Variants in NRG3 observed in about 807,000 individuals in gnomAD.
The protein encoded by NRG3 is pro-neuregulin-3, membrane-bound isoform.
In NRG3, 31 loss-of-function variants were observed where a neutral mutation model predicts 66.9. That is an observed-to-expected ratio of 0.46 (90% confidence interval 0.35 to 0.63). The LOEUF (loss-of-function observed/expected upper bound fraction) is 0.63. Among genes scored for constraint, NRG3 ranks in the 20% least tolerant of loss-of-function variants. The probability of loss-of-function intolerance (pLI) is 0.00; values close to 1 mark genes in which losing one functional copy is unlikely to be tolerated. For synonymous variants in NRG3, 393 were observed against 359.4 expected (o/e 1.09, Z -1.06); for missense variants, 910 against 878.9 (o/e 1.04, Z -0.45).
chr10:82,442,715 T>G, intron 2 of NRG3, among the ~76,000 whole-genome samples: 1 of 148,880 alleles, frequency 6.7e-6, no homozygotes, highest in Non-Finnish European at 1.5e-5. Context: ...GCCAGAAATC[T>G]TATCAGAAAC....
chr10:82,239,872 A>G (rs971403102), intron 1 of NRG3, among the ~76,000 whole-genome samples: 5 of 152,192 alleles, frequency 3.3e-5, no homozygotes, highest in Non-Finnish European at 7.3e-5. Context: ...AAACAATGAA[A>G]TAGTTTAAAT....
intron 1 of NRG3, among the ~76,000 whole-genome samples, chr10:82,058,458 G>A (rs953892449): frequency 6.6e-6 from 1 of 151,184 alleles, no homozygotes; most frequent in African/African-American, 2.4e-5. Flanking sequence ...TATTTTCAAC[G>A]ACCCGTTTCA....
At chr10:82,501,083 G>A (rs1231477901) in intron 2 of NRG3, among the ~76,000 whole-genome samples, 2 of 152,098 alleles carry the variant, frequency 1.3e-5, no homozygotes, top group Admixed American at 1.3e-4. Context: ...CAGATAGAGG[G>A]GCTTGGTTGT....
chr10:82,538,465 T>TCAGTAAG (rs1212405877), intron 2 of NRG3, among the ~76,000 whole-genome samples: 1 of 152,234 alleles, frequency 6.6e-6, no homozygotes, highest in East Asian at 1.9e-4. Context: ...GCTTTTCCTT[T>TCAGTAAG]TAAAATATCT....
intron 2 of NRG3, among the ~76,000 whole-genome samples, chr10:82,382,175 A>G (rs1423636622): frequency 2.6e-5 from 4 of 152,050 alleles, no homozygotes. Context: ...GTGCACATGG[A>G]AAAGAAAAAT....
intron 2 of NRG3, among the ~76,000 whole-genome samples, chr10:82,408,633 TTA>T (rs147352245): frequency 0.32 from 39,154 of 122,680 alleles, 7,133 homozygotes; most frequent in African/African-American, 0.59. Context: ...CATATATATA[TTA>T]TATATATATA....
At chr10:82,273,326 C>T (rs2078693568) in intron 1 of NRG3, among the ~76,000 whole-genome samples, 1 of 151,994 alleles carries the variant, frequency 6.6e-6, no homozygotes. Context: ...ACAACTGTGT[C>T]AGTTCTGTGT....
chr10:82,213,864 C>T (rs2075525560), intron 1 of NRG3, among the ~76,000 whole-genome samples: 1 of 152,116 alleles, frequency 6.6e-6, no homozygotes, highest in African/African-American at 2.4e-5. Context: ...TAATAGGAAT[C>T]TGGAGGTAAG....
At chr10:82,326,288 A>G (rs909515127) in intron 1 of NRG3, among the ~76,000 whole-genome samples, 4 of 152,262 alleles carry the variant, frequency 2.6e-5, no homozygotes, top group Admixed American at 6.5e-5. Flanking sequence ...TTTCTGTATA[A>G]TGCAGCTTTT....
At chr10:82,179,465 T>C (rs2073269042) in intron 1 of NRG3, among the ~76,000 whole-genome samples, 1 of 152,064 alleles carries the variant, frequency 6.6e-6, no homozygotes, top group African/African-American at 2.4e-5. Context: ...GTTTTGCATA[T>C]GGATTTCCAG....
At chr10:82,310,150 A>G (rs2080948317) in intron 1 of NRG3, among the ~76,000 whole-genome samples, 2 of 152,130 alleles carry the variant, frequency 1.3e-5, no homozygotes, top group African/African-American at 4.8e-5. Context: ...CTTTTCATGT[A>G]AGAGTGACCT....
chr10:82,546,199 T>C (rs1022335668), intron 2 of NRG3, among the ~76,000 whole-genome samples: 3 of 152,204 alleles, frequency 2.0e-5, no homozygotes, highest in African/African-American at 7.2e-5. Flanking sequence ...GAACAGGTGC[T>C]AGGGCTTGTA....
At chr10:82,548,040 T>TTG (rs71951776) in intron 2 of NRG3, among the ~76,000 whole-genome samples, 18,621 of 77,594 alleles carry the variant, frequency 0.24, 1,312 homozygotes, top group African/African-American at 0.4. Context: ...TCATGCCACG[T>TTG]TTTTTTTTTT....
intron 2 of NRG3, among the ~76,000 whole-genome samples, chr10:82,682,394 TAGAC>T (rs1241051441): frequency 2.2e-4 from 29 of 133,270 alleles, no homozygotes; most frequent in South Asian, 1.9e-3. Context: ...AGATAGTAGA[TAGAC>T]AGATAGATAG....
chr10:82,445,506 G>A (rs1214289651), intron 2 of NRG3, among the ~76,000 whole-genome samples: 1 of 152,134 alleles, frequency 6.6e-6, no homozygotes, highest in Non-Finnish European at 1.5e-5. Flanking sequence ...GGGGCTCTCT[G>A]TGTCTAAAAT....
intron 2 of NRG3, among the ~76,000 whole-genome samples, chr10:82,362,863 C>T (rs1035800134): frequency 3.9e-5 from 6 of 152,004 alleles, no homozygotes; most frequent in Middle Eastern, 6.9e-3. Context: ...GTATGTTGAC[C>T]CCTCTTTCTA....
At chr10:82,138,562 T>TG (rs2069529552) in intron 1 of NRG3, among the ~76,000 whole-genome samples, 2 of 152,158 alleles carry the variant, frequency 1.3e-5, no homozygotes, top group African/African-American at 4.8e-5. Flanking sequence ...CATGTATATA[T>TG]GAAAGGGAGT....
chr10:82,064,375 AAT>A (rs2064329998), intron 1 of NRG3, among the ~76,000 whole-genome samples: 1 of 151,498 alleles, frequency 6.6e-6, no homozygotes, highest in South Asian at 2.1e-4. Context: ...TATATATAAA[AAT>A]AATATATTTA....
At chr10:82,557,981 A>G in intron 2 of NRG3, among the ~76,000 whole-genome samples, 1 of 152,178 alleles carries the variant, frequency 6.6e-6, no homozygotes, top group East Asian at 1.9e-4. Flanking sequence ...AAGATGAAAG[A>G]GAGGTTTGGA....
Sources: gnomAD v4.1 joint callset for allele counts (sites outside exome capture counted in the v4.1 genomes callset) on GRCh38, gnomAD v4.1.1 for gene constraint, MANE v1.5 for transcripts, NCBI Gene and HGNC (gene_info 2026-07-23, HGNC 2026-07-21) for gene names.